PRH1: variants seen among roughly 807,000 people sequenced by gnomAD.
PRH1 encodes the protein proline rich protein HaeIII subfamily 1.
PRH1 carries 7 observed loss-of-function variants against 7.9 expected under a neutral mutation model. The observed-to-expected ratio is 0.89, with a 90% CI of 0.50 to 1.67. The LOEUF (loss-of-function observed/expected upper bound fraction) is 1.67. Ranked by LOEUF, PRH1 falls within the 40% of genes most tolerant of loss-of-function variation. PRH1 has a pLI of 0.00. For missense variants in PRH1, 109 were observed against 223.6 expected (o/e 0.49, Z 3.27); for synonymous variants, 45 against 80.8 (o/e 0.56, Z 2.38).
At chr12:11,066,306 C>T (rs1371235343) in intron 1 of PRH1, among the ~76,000 whole-genome samples, 2 of 152,152 alleles carry the variant, frequency 1.3e-5, no homozygotes, top group Non-Finnish European at 2.9e-5. Context: ...GTCCTAAAAT[C>T]CTCTCTTAGA....
At chr12:11,019,868 TG>T (rs1345645460) in intron 1 of PRH1, among the ~76,000 whole-genome samples, 26 of 152,406 alleles carry the variant, frequency 1.7e-4, no homozygotes, top group African/African-American at 6.0e-4. Context: ...CTAACATTCT[TG>T]TCATGGGGTC....
intron 1 of PRH1, among the ~76,000 whole-genome samples, chr12:10,976,834 C>T (rs4763602): frequency 0.45 from 68,883 of 151,738 alleles, 16,427 homozygotes; most frequent in Non-Finnish European, 0.52. Context: ...CATAAATTCC[C>T]GGGCATATAC....
At chr12:11,015,106 C>A (rs1171007393) in intron 1 of PRH1, among the ~76,000 whole-genome samples, 1 of 152,072 alleles carries the variant, frequency 6.6e-6, no homozygotes, top group East Asian at 1.9e-4. Context: ...GGGCATTCCA[C>A]CAAAAAAGGG....
In PRH1 at chr12:10,922,831, C is replaced by CTTTTTTT. The variant is rs202084629; in HGVS notation, c.-58-38563_-58-38557dup. On this transcript the variant is annotated intron_variant, in intron 2 of 3. Transcript: ENST00000539853. ...TCTTTTCCATGAATTTTTTCTTTTTCTTTTTTTTGAGACGGAGTCTCGCTC... is the reference window on the plus strand; with the variant it reads ...TCTTTTCCATGAATTTTTTCTTTTTCTTTTTTTTTTTTTTTGAGACGGAGTCTCGCTC... 2.0e-4 allele frequency among the ~76,000 whole-genome samples: 24 copies of CTTTTTTT among 119,258 alleles called. 4 individuals are homozygous for CTTTTTTT. The highest frequency in any genetic ancestry group is 3.9e-4 in the Non-Finnish European group (23 of 59,010). 78.2% of individuals were successfully genotyped at this position (119,258 alleles called of 152,430 possible).
intron 1 of PRH1, among the ~76,000 whole-genome samples, chr12:11,072,848 G>A (rs78956113): frequency 0.49 from 57,183 of 115,522 alleles, 11,099 homozygotes; most frequent in Non-Finnish European, 0.59. Flanking sequence ...TGGTAAGAAC[G>A]AAAGTGCTGC....
At chr12:11,012,529 T>C (rs1466814227) in intron 1 of PRH1, among the ~76,000 whole-genome samples, 1 of 152,180 alleles carries the variant, frequency 6.6e-6, no homozygotes, top group Non-Finnish European at 1.5e-5. Flanking sequence ...GATTCTGTGT[T>C]ACTTGATACT....
chr12:11,160,205 C>T (rs528751848), intron 1 of PRH1, among the ~76,000 whole-genome samples: 1 of 152,270 alleles, frequency 6.6e-6, no homozygotes, highest in Admixed American at 6.5e-5. Context: ...CATTCAGTAA[C>T]ATCCTTCTAC....
chr12:11,041,177 A>AT (rs1447773039), intron 1 of PRH1, among the ~76,000 whole-genome samples: 3 of 118,460 alleles, frequency 2.5e-5, no homozygotes, highest in Non-Finnish European at 6.0e-5. Flanking sequence ...TGGAAAAACA[A>AT]AACAAAAAAA....
At chr12:11,078,980 A>G (rs1944406881) in intron 1 of PRH1, 1 of 149,564 alleles carries the variant, frequency 6.7e-6, no homozygotes, top group Admixed American at 6.7e-5. Context: ...CCAAATGGAA[A>G]ATGAGTTTCC....
intron 2 of PRH1, chr12:10,964,984 C>G (rs1938434910): frequency 1.4e-6 from 1 of 716,756 alleles, no homozygotes; most frequent in Non-Finnish European, 2.4e-6. Flanking sequence ...TCTTAATTCT[C>G]CTTTTTAAGT....
intron 1 of PRH1, chr12:11,134,510 T>C: frequency 2.4e-6 from 1 of 424,668 alleles, no homozygotes; most frequent in Non-Finnish European, 4.1e-6. Context: ...GTTCTTGTTA[T>C]AGGCTGGAAT....
chr12:11,140,704 C>A (rs1363990132), intron 1 of PRH1, among the ~76,000 whole-genome samples: 2 of 152,080 alleles, frequency 1.3e-5, no homozygotes, highest in African/African-American at 4.8e-5. Context: ...TACTAGCATG[C>A]CAAGGAAGAG....
Position 10,931,035 on chromosome 12 carries a change from A to G in PRH1, c.-59+42620T>C, listed in dbSNP as rs1227056026. On this transcript the variant is annotated intron_variant, in intron 2 of 3. Transcript: ENST00000539853. ...CTCCCCAAGGGGGCCGCCCACAAGG[A>G]CCTCCACAGGGGCAGTCTCCTCAGT... 2.5e-6 allele frequency: 4 copies of G among 1,591,272 alleles called. No homozygotes were observed. In the African/African-American group the frequency reaches 4.0e-5, roughly 16 times the overall value.
chr12:11,040,912 C>T (rs1942680606), intron 1 of PRH1, among the ~76,000 whole-genome samples: 1 of 151,980 alleles, frequency 6.6e-6, no homozygotes, highest in Non-Finnish European at 1.5e-5. Context: ...ATAGCATTTG[C>T]AAGCCTCATG....
chr12:10,975,526 T>A (rs1162981934), intron 1 of PRH1, among the ~76,000 whole-genome samples: 1 of 152,112 alleles, frequency 6.6e-6, no homozygotes, highest in Non-Finnish European at 1.5e-5. Flanking sequence ...ATCTGCATAA[T>A]AACCAGCTAA....
chr12:11,065,065 A>G (rs1943753292), intron 1 of PRH1, among the ~76,000 whole-genome samples: 2 of 152,042 alleles, frequency 1.3e-5, no homozygotes, highest in Non-Finnish European at 2.9e-5. Context: ...TAATAATAAT[A>G]ATTTTTCTAT....
At chr12:10,970,389 T>C (rs1476805288) in intron 2 of PRH1, among the ~76,000 whole-genome samples, 1 of 152,074 alleles carries the variant, frequency 6.6e-6, no homozygotes, top group Non-Finnish European at 1.5e-5. Context: ...TTATTGAAAA[T>C]TCAGTAATTT....
chr12:11,134,656 G>A (rs529117614), intron 1 of PRH1: 78 of 183,708 alleles, frequency 4.2e-4, no homozygotes, highest in African/African-American at 1.7e-3. Flanking sequence ...TCAGTTGCTT[G>A]GGAAGTTTTA....
At chr12:11,128,119 A>AAAAAAAAG (rs1555170701) in intron 1 of PRH1, among the ~76,000 whole-genome samples, 25 of 151,354 alleles carry the variant, frequency 1.7e-4, no homozygotes, top group Admixed American at 8.5e-4. Flanking sequence ...TCAAAAAAAA[A>AAAAAAAAG]AAAAAGAAAA....
Sources: allele counts gnomAD v4.1 joint callset (sites outside exome capture counted in the v4.1 genomes callset), GRCh38; gene constraint gnomAD v4.1.1; transcripts MANE v1.5; gene names NCBI Gene and HGNC (gene_info 2026-07-23, HGNC 2026-07-21).